PTGES3: variants seen among roughly 807,000 people sequenced by gnomAD.
PTGES3 encodes Hsp90 co-chaperone.
PTGES3 carries 5 observed loss-of-function variants against 29.9 expected under a neutral mutation model. The ratio of observed to expected loss-of-function variants is 0.17; its 90% CI spans 0.09 to 0.35. PTGES3 has a LOEUF of 0.35. Among genes scored for constraint, PTGES3 ranks in the 10% least tolerant of loss-of-function variants. The pLI, the probability that PTGES3 is intolerant of heterozygous loss-of-function variation, is 1.00. For synonymous variants in PTGES3, 49 were observed against 57.8 expected (o/e 0.85, Z 0.69); for missense variants, 128 against 190.0 (o/e 0.67, Z 1.92).
intron 1 of PTGES3, among the ~76,000 whole-genome samples, chr12:56,683,868 A>C (rs1332166695): frequency 4.2e-5 from 6 of 141,274 alleles, no homozygotes; most frequent in African/African-American, 7.9e-5. Flanking sequence ...CTGAGGCAAG[A>C]GAATGGCGTG....
At chr12:56,665,288 T>A in intron 6 of PTGES3, 1 of 773,130 alleles carries the variant, frequency 1.3e-6, no homozygotes, top group Non-Finnish European at 1.6e-6. Flanking sequence ...GTCCATCTTT[T>A]TTTTTTTTTT....
chr12:56,682,296 T>G (rs1048203469), intron 1 of PTGES3, among the ~76,000 whole-genome samples: 9 of 152,144 alleles, frequency 5.9e-5, no homozygotes, highest in Non-Finnish European at 1.3e-4. Context: ...AATGAGCAAG[T>G]GGCTCCAATT....
intron 1 of PTGES3, among the ~76,000 whole-genome samples, chr12:56,680,084 T>G (rs1401908933): frequency 6.6e-6 from 1 of 151,558 alleles, no homozygotes; most frequent in Non-Finnish European, 1.5e-5. Context: ...TTTGGTTTTT[T>G]TTTTTTTTTG....
At chr12:56,682,721 GAAA>G (rs754040277) in intron 1 of PTGES3, among the ~76,000 whole-genome samples, 1 of 114,290 alleles carries the variant, frequency 8.7e-6, no homozygotes, top group African/African-American at 3.4e-5. Flanking sequence ...CCATTTAAAA[GAAA>G]AAAAAAAAAA....
Position 56,685,920 on chromosome 12 carries a change from G to GC in PTGES3, c.2+2077dup, listed in dbSNP as rs528492462. Reference sequence around the variant, plus strand: ...GCCTCCGGAGTAGCTGGGACTACAGGCATGCACCACCACACCCAGCTAGTT... The same window carrying GC: ...GCCTCCGGAGTAGCTGGGACTACAGGCCATGCACCACCACACCCAGCTAGTT... On this transcript the variant is annotated intron_variant, in intron 1 of 7. Transcript: ENST00000262033. Among the ~76,000 whole-genome samples the GC allele has an allele frequency of 3.9e-4, 59 of 151,452 alleles. 1 individual carries two copies. In the East Asian group the frequency reaches 0.011, roughly 29 times the overall value.
intron 6 of PTGES3, chr12:56,665,834 T>C (rs1592237389): frequency 2.6e-6 from 2 of 776,958 alleles, no homozygotes; most frequent in South Asian, 1.1e-4. Flanking sequence ...TTCACCATGT[T>C]GGCCAGGCTG....
In PTGES3 at chr12:56,676,318, A is replaced by G. The variant is rs536736506; in HGVS notation, c.3-3253T>C. 2.6e-5 allele frequency among the ~76,000 whole-genome samples: 4 copies of G among 151,984 alleles called. No individual in the cohort carries two copies. The East Asian group carries it at 7.7e-4, about 29-fold the overall frequency. On this transcript the variant is annotated intron_variant, in intron 1 of 7. Coordinates refer to ENST00000262033, the MANE Select transcript of PTGES3 (RefSeq NM_006601.7). ...TTTTTTCACTTCACAAAAAGGGACA[A>G]TAATTTCTCCAGCGGTCCTTTTATT...
At chr12:56,685,286 ATTATTTTTAAAAGAATATTT>A (rs1186353602) in intron 1 of PTGES3, among the ~76,000 whole-genome samples, 3 of 151,968 alleles carry the variant, frequency 2.0e-5, no homozygotes, top group African/African-American at 7.3e-5. Context: ...AACGGCATAT[ATTATTTTTAAAAGAATATTT>A]TAGCTGGTCT....
At chr12:56,684,866 G>A (rs1213823381) in intron 1 of PTGES3, among the ~76,000 whole-genome samples, 1 of 152,132 alleles carries the variant, frequency 6.6e-6, no homozygotes, top group Non-Finnish European at 1.5e-5. Context: ...ATGTAACTAC[G>A]AAATCGCTGA....
At position 56,673,027 on chromosome 12, in the gene PTGES3, T is replaced by C. The variant is rs770674373; in HGVS notation, c.41A>G (p.Tyr14Cys). 6 of 1,609,502 alleles carry C rather than the reference T, an allele frequency of 3.7e-6. No individual in the cohort carries two copies. Among genetic ancestry groups the C allele is most frequent in the Non-Finnish European group, 5.1e-6 (6 of 1,178,980 alleles). The change falls in exon 2 of 8, where the codon TAT becomes TGT. Residue 14 changes from tyrosine (Y) to cysteine (C), a missense_variant. Tyr to Cys is a radical substitution (Grantham distance 194). Transcript: ENST00000262033. ...TTCAACACAAAATTCAATGAAGACA[T>C]AGTCCCTTCGATCGTACCACTTTGC... ...ASAKWYDRRD[Y>C]VFIEFCVEDS...
chr12:56,668,167 CAATT>C (rs1176069736), intron 5 of PTGES3, among the ~76,000 whole-genome samples: 1 of 152,148 alleles, frequency 6.6e-6, no homozygotes, highest in East Asian at 1.9e-4. Flanking sequence ...GCTCTTACCT[CAATT>C]AATTAAACAC....
intron 1 of PTGES3, among the ~76,000 whole-genome samples, chr12:56,676,920 C>CAAA (rs34739170): frequency 0.42 from 21,296 of 50,278 alleles, 7,558 homozygotes; most frequent in Non-Finnish European, 0.5. Flanking sequence ...GATTCCGACT[C>CAAA]AAAAAAAAAA....
intron 1 of PTGES3, among the ~76,000 whole-genome samples, chr12:56,684,411 C>T (rs1034114290): frequency 2.0e-4 from 31 of 152,152 alleles, no homozygotes; most frequent in Admixed American, 1.9e-3. Flanking sequence ...ACAAAGGCCA[C>T]CCACCATCAG....
intron 1 of PTGES3, among the ~76,000 whole-genome samples, chr12:56,682,965 G>A (rs946617507): frequency 6.6e-6 from 1 of 151,684 alleles, no homozygotes; most frequent in Non-Finnish European, 1.5e-5. Flanking sequence ...CTGCACTGCA[G>A]TCTGGGCAAC....
intron 5 of PTGES3, among the ~76,000 whole-genome samples, chr12:56,669,007 ATT>A (rs577249197): frequency 8.2e-5 from 8 of 97,054 alleles, no homozygotes; most frequent in Non-Finnish European, 7.7e-5. Context: ...TTCACCATGA[ATT>A]TTTTTTTTTT....
At chr12:56,681,537 C>CAAAAAAAAAAAAAAAAAAAAAAAA (rs34581651) in intron 1 of PTGES3, among the ~76,000 whole-genome samples, 1 of 25,686 alleles carries the variant, frequency 3.9e-5, no homozygotes, top group African/African-American at 2.2e-4. Context: ...GACTCCATCT[C>CAAAAAAAAAAAAAAAAAAAAAAAA]AAAAAAAAAA....
chr12:56,687,531 C>G, intron 1 of PTGES3: 7 of 1,005,698 alleles, frequency 7.0e-6, no homozygotes, highest in Non-Finnish European at 8.3e-6. Flanking sequence ...TGGGGCTCTC[C>G]CAGGAGCTCC....
chr12:56,687,542 G>C (rs1952935988), intron 1 of PTGES3: 1 of 1,007,372 alleles, frequency 9.9e-7, no homozygotes. Flanking sequence ...CAGGAGCTCC[G>C]CCAGGCACCT....
chr12:56,686,969 AG>A, intron 1 of PTGES3: 1 of 214,454 alleles, frequency 4.7e-6, no homozygotes, highest in East Asian at 8.0e-5. Flanking sequence ...CATACCTTTT[AG>A]GACGTAGTTA....
Sources: gnomAD v4.1 joint callset for allele counts (sites outside exome capture counted in the v4.1 genomes callset) on GRCh38, gnomAD v4.1.1 for gene constraint, MANE v1.5 for transcripts, NCBI Gene and HGNC (gene_info 2026-07-23, HGNC 2026-07-21) for gene names.